ITPKB: variants seen among roughly 807,000 people sequenced by gnomAD.
The protein encoded by ITPKB is inositol-trisphosphate 3-kinase B.
A neutral mutation model predicts 69.4 loss-of-function variants in ITPKB; 13 were observed. That is an observed-to-expected ratio of 0.19 (90% CI 0.12 to 0.30). The LOEUF (loss-of-function observed/expected upper bound fraction) is 0.30, where lower values mean the gene tolerates loss of function less well. Ranked by LOEUF, ITPKB falls within the 10% of genes least tolerant of loss-of-function variation. The probability of loss-of-function intolerance (pLI) is 1.00; values close to 1 mark genes in which losing one functional copy is unlikely to be tolerated. For synonymous variants in ITPKB, 584 were observed against 513.7 expected, an observed-to-expected ratio of 1.14 and a Z score of -1.85; for missense variants, 1,240 against 1,250.5, an observed-to-expected ratio of 0.99 and a Z score of 0.13.
chr1:226,722,458 C>T (rs563639832), intron 2 of ITPKB, among the ~76,000 whole-genome samples: 17 of 152,300 alleles, frequency 1.1e-4, no homozygotes, highest in African/African-American at 3.4e-4. Flanking sequence ...GGAGACGGCT[C>T]GGCTCTCAGG....
At chr1:226,712,109 T>C (rs1656975415) in intron 2 of ITPKB, among the ~76,000 whole-genome samples, 1 of 152,028 alleles carries the variant, frequency 6.6e-6, no homozygotes. Flanking sequence ...GAGATAATAG[T>C]CTTAGTTTTA....
chr1:226,702,119 G>A lies in ITPKB; in HGVS notation c.1932+33408C>T, dbSNP rs566390955. ...CCAAGAGAAAAGTTCAACTTGGCCC[G>A]GCACGGTGGTTCATGCCTGGAATCC... On this transcript the variant is annotated intron_variant, in intron 2 of 7. Transcript: ENST00000429204. Among the ~76,000 whole-genome samples the A allele has an allele frequency of 5.6e-4, 85 of 152,274 alleles. 1 individual carries two copies. The South Asian group carries it at 7.7e-3, about 14-fold the overall frequency.
intron 2 of ITPKB, among the ~76,000 whole-genome samples, chr1:226,696,345 G>A (rs1305780731): frequency 6.6e-6 from 1 of 151,114 alleles, no homozygotes; most frequent in East Asian, 1.9e-4. Flanking sequence ...GTGTGTATAT[G>A]TATCTCTCTC....
Position 226,641,877 on chromosome 1 carries a change from G to A in ITPKB, c.2451+44C>T, listed in dbSNP as rs757915195. ...TGAGAGAAGCCAAGCCCCCTGAGGTGGGCACGGGTGGGGCCCGAGGCTGCC... is the reference window on the plus strand; with the variant it reads ...TGAGAGAAGCCAAGCCCCCTGAGGTAGGCACGGGTGGGGCCCGAGGCTGCC... On this transcript the variant is annotated intron_variant, in intron 5 of 7. Coordinates refer to ENST00000429204, the MANE Select transcript of ITPKB (RefSeq NM_002221.4). The surrounding 1 kb of genome is among the most constrained non-coding windows in gnomAD (Gnocchi z 4.6). 3.8e-5 allele frequency: 59 copies of A among 1,559,432 alleles called. No homozygotes were observed. Among genetic ancestry groups the A allele is most frequent in the Non-Finnish European group, 5.1e-5 (58 of 1,138,458 alleles).
chr1:226,704,173 G>A (rs1488070541), intron 2 of ITPKB, among the ~76,000 whole-genome samples: 1 of 152,082 alleles, frequency 6.6e-6, no homozygotes, highest in Non-Finnish European at 1.5e-5. Flanking sequence ...TACCTTTACA[G>A]TATGAAAAAA....
At position 226,648,725 on chromosome 1, in the gene ITPKB, A is replaced by T; in HGVS notation, c.1979T>A (p.Phe660Tyr). The change falls in exon 3 of 8, where the codon TTC becomes TAC. Residue 660 changes from phenylalanine (F) to tyrosine (Y), a missense_variant. Around this residue, in one of 2 missense-constraint regions of ITPKB, gnomAD observed 248 missense variants for 396.7 expected, o/e 0.63. Transcript: ENST00000429204. ...KIKNMVHWSP[F>Y]VMSFKKKYPW... ...GTACTTCTTCTTGAAGGACATGACG[A>T]AGGGAGACCAGTGCACCATGTTTTT... The T allele has an allele frequency of 6.2e-7, 1 of 1,613,510 alleles. No homozygotes were observed. Among genetic ancestry groups the T allele is most frequent in the Non-Finnish European group, 8.5e-7 (1 of 1,179,392 alleles).
chr1:226,665,524 G>A (rs1669479729), intron 2 of ITPKB, among the ~76,000 whole-genome samples: 1 of 152,152 alleles, frequency 6.6e-6, no homozygotes, highest in African/African-American at 2.4e-5. Context: ...TGGCCCTTCG[G>A]GTCTGAAAGA....
chr1:226,734,430 A>G (rs539279748), intron 2 of ITPKB, among the ~76,000 whole-genome samples: 1 of 152,354 alleles, frequency 6.6e-6, no homozygotes, highest in East Asian at 1.9e-4. Flanking sequence ...GTGGTGGAGA[A>G]AGTTATTGAG....
At position 226,637,784 on chromosome 1, in the gene ITPKB, C is replaced by A. The variant is rs1448890686; in HGVS notation, c.2554-34G>T. 12 of 1,543,850 alleles carry A rather than the reference C, an allele frequency of 7.8e-6. No homozygotes were observed. Among genetic ancestry groups the A allele is most frequent in the African/African-American group, 1.4e-5 (1 of 73,572 alleles). ...AGAAAGAGGACCAGATTTTTAAGCGCCGCGTGGGGAAGGGCAGTGTCAGAA... is the reference window on the plus strand; with the variant it reads ...AGAAAGAGGACCAGATTTTTAAGCGACGCGTGGGGAAGGGCAGTGTCAGAA... On this transcript the variant is annotated intron_variant, in intron 6 of 7. Transcript: ENST00000429204. This position sits in a 1 kb window ranked among gnomAD's most constrained non-coding sequence, Gnocchi z 4.3.
At chr1:226,702,870 T>C (rs1656701738) in intron 2 of ITPKB, among the ~76,000 whole-genome samples, 1 of 152,236 alleles carries the variant, frequency 6.6e-6, no homozygotes, top group Non-Finnish European at 1.5e-5. Context: ...CTAAGCTCCT[T>C]CCAACCTCAA....
Position 226,736,755 on chromosome 1 carries a change from G to A in ITPKB, c.704C>T (p.Pro235Leu), listed in dbSNP as rs1178054590. ...AGGGGCAGCCCGGCCGGGAAGAGGT[G>A]GCATTCCTTTCTTCACCTGCGAGGA... ...LCSSQVKKGM[P>L]PLPGRAAPTG... The change falls in exon 2 of 8, where the codon CCA becomes CTA. Residue 235 changes from proline to leucine, a missense_variant. This residue lies in a region of ITPKB where 992 missense variants were observed against 853.8 expected (regional missense o/e 1.16). Transcript: ENST00000429204. The A allele has an allele frequency of 5.0e-6, 8 of 1,613,064 alleles. No homozygotes were observed. The highest frequency in any genetic ancestry group is 6.8e-6 in the Non-Finnish European group (8 of 1,179,990).
intron 2 of ITPKB, among the ~76,000 whole-genome samples, chr1:226,704,959 C>G (rs532103113): frequency 5.9e-5 from 9 of 152,308 alleles, no homozygotes; most frequent in African/African-American, 9.6e-5. Flanking sequence ...CAGCATTGCT[C>G]TTGCTTGGCC....
chr1:226,698,404 C>A (rs770966765), intron 2 of ITPKB, among the ~76,000 whole-genome samples: 1 of 152,184 alleles, frequency 6.6e-6, no homozygotes, highest in African/African-American at 2.4e-5. Flanking sequence ...AGTATGGAGG[C>A]ACTGGGCCAA....
At chr1:226,701,698 C>T (rs1350656561) in intron 2 of ITPKB, among the ~76,000 whole-genome samples, 1 of 151,108 alleles carries the variant, frequency 6.6e-6, no homozygotes, top group Non-Finnish European at 1.5e-5. Context: ...GAGACGCACA[C>T]AGCAAACTGT....
intron 2 of ITPKB, among the ~76,000 whole-genome samples, chr1:226,669,790 A>G (rs1055494535): frequency 1.3e-5 from 2 of 152,214 alleles, no homozygotes; most frequent in Non-Finnish European, 2.9e-5. Context: ...GGCAACATAC[A>G]TATAATTCAA....
chr1:226,721,198 A>T (rs1657230937), intron 2 of ITPKB, among the ~76,000 whole-genome samples: 1 of 148,974 alleles, frequency 6.7e-6, no homozygotes, highest in African/African-American at 2.5e-5. Context: ...AAAATACAAA[A>T]TTAGCCAGGC....
intron 2 of ITPKB, among the ~76,000 whole-genome samples, chr1:226,681,307 T>C (rs1252842822): frequency 3.3e-5 from 5 of 152,144 alleles, no homozygotes; most frequent in Non-Finnish European, 5.9e-5. Flanking sequence ...CCCTTTGATT[T>C]AGCCAGAAAG....
intron 2 of ITPKB, among the ~76,000 whole-genome samples, chr1:226,689,358 A>T (rs886699827): frequency 6.6e-6 from 1 of 152,198 alleles, no homozygotes; most frequent in Non-Finnish European, 1.5e-5. Flanking sequence ...ATTGTGGAGC[A>T]GCCTTTGTTT....
At position 226,647,310 on chromosome 1, in the gene ITPKB, G is replaced by A; in HGVS notation, c.2103C>T (p.Asp701=). ...GCCTCAGCACATCCACCATCAGCCG[G>A]TCCAGGCAGCGCTGCTCTGACTCAC... ...KHCESEQRCL[D]RLMVDVLRPF... is the part of the protein sequence containing the mutation. Residue 701 remains aspartate, a synonymous_variant, in exon 4 of 8, where the codon GAC becomes GAT. Transcript: ENST00000429204. The A allele has an allele frequency of 1.2e-6, 2 of 1,614,200 alleles. No homozygotes were observed. The highest frequency in any genetic ancestry group is 1.7e-6 in the Non-Finnish European group (2 of 1,180,016).
Sources: allele counts gnomAD v4.1 joint callset (sites outside exome capture counted in the v4.1 genomes callset), GRCh38; gene constraint gnomAD v4.1.1; regional missense constraint gnomAD v4.1.1; non-coding constraint Gnocchi (gnomAD v3.1); transcripts MANE v1.5; gene names NCBI Gene and HGNC (gene_info 2026-07-23, HGNC 2026-07-21).